SLMAP: variants seen among roughly 807,000 people sequenced by gnomAD.
The protein encoded by SLMAP is sarcolemmal membrane-associated protein.
SLMAP carries 44 observed loss-of-function variants against 128.8 expected under a neutral mutation model. The observed-to-expected ratio is 0.34, with a 90% CI of 0.27 to 0.44. SLMAP has a LOEUF of 0.44. SLMAP is among the 20% of genes least tolerant of loss of function. The pLI is 1.00. For missense variants in SLMAP, 787 were observed against 985.3 expected (o/e 0.80, Z 2.69); for synonymous variants, 327 against 348.8 (o/e 0.94, Z 0.70).
In SLMAP at chr3:57,912,487, G is replaced by T. The variant is rs2096722871; in HGVS notation, c.1806G>T (p.Leu602Phe). The T allele has an allele frequency of 6.2e-7, 1 of 1,614,122 alleles. No individual in the cohort carries two copies. Among genetic ancestry groups the T allele is most frequent in the Admixed American group, 1.7e-5 (1 of 60,014 alleles). The change falls in exon 20 of 25, where the codon TTG (leucine) becomes TTT (phenylalanine). Residue 602 changes from leucine to phenylalanine, a missense_variant. Leu to Phe is a conservative substitution (Grantham distance 22). Transcript: ENST00000671191. The stretch of plus-strand genomic sequence containing the variant: ...TGCTTAGTGCCCGAGATGAAATTTT[G>T]CTCCTTCATCAAGCAGCAGCAAAGG... ...DELLSARDEI[L>F]LLHQAAAKVA...
chr3:57,858,268 A>G (rs1298723320), intron 8 of SLMAP, 109 bp downstream of exon 8: 4 of 688,952 alleles, frequency 5.8e-6, no homozygotes, highest in South Asian at 1.8e-5. Flanking sequence ...CATTTCCACA[A>G]TTCTTTTAAA....
At chr3:57,859,733 G>A (rs1349738037) in intron 8 of SLMAP, among the ~76,000 whole-genome samples, 3 of 151,726 alleles carry the variant, frequency 2.0e-5, no homozygotes, top group African/African-American at 7.3e-5. Flanking sequence ...GGGGAGTGAG[G>A]GATGAAAAAC....
At chr3:57,915,755 C>G (rs2096796478) in intron 21 of SLMAP, among the ~76,000 whole-genome samples, 2 of 152,188 alleles carry the variant, frequency 1.3e-5, no homozygotes, top group African/African-American at 4.8e-5. Flanking sequence ...CTTTTATTTT[C>G]TGTTGTCTGG....
intron 5 of SLMAP, among the ~76,000 whole-genome samples, chr3:57,847,700 G>C (rs1305314411): frequency 6.6e-6 from 1 of 152,156 alleles, no homozygotes; most frequent in African/African-American, 2.4e-5. Context: ...ATAATTGCTT[G>C]CTAGAAAGCA....
chr3:57,826,102 G>T (rs1327011757), intron 2 of SLMAP, among the ~76,000 whole-genome samples: 2 of 151,932 alleles, frequency 1.3e-5, no homozygotes, highest in East Asian at 3.9e-4. Context: ...GGCATTATTT[G>T]TTATATTTAA....
intron 14 of SLMAP, among the ~76,000 whole-genome samples, chr3:57,877,971 A>G (rs923107328): frequency 6.6e-6 from 1 of 150,932 alleles, no homozygotes; most frequent in Non-Finnish European, 1.5e-5. Context: ...AGTAGCTAGG[A>G]TTACAGGCAC....
rs748820617 is a variant in SLMAP, at chr3:57,841,364, C to T, written c.412C>T (p.Arg138Cys). 26 of 1,601,514 alleles carry T rather than the reference C, an allele frequency of 1.6e-5. No homozygotes were observed. The highest frequency in any genetic ancestry group is 2.1e-5 in the Non-Finnish European group (25 of 1,170,298). ...ACCAGATGGTATGGAAGCCCGGCTC[C>T]GCTCAGAGTGAGTATAATTTAGTAC... ...FLPDGMEARL[R>C]SDVIHAPLPS... The change falls in exon 4 of 25, where the codon CGC (arginine) becomes TGC (cysteine). Residue 138 changes from arginine to cysteine, a missense_variant. Coordinates refer to ENST00000671191, the MANE Select transcript of SLMAP (RefSeq NM_001377540.1).
At chr3:57,899,391 A>G (rs1213031679) in intron 17 of SLMAP, 1 of 152,172 alleles carries the variant, frequency 6.6e-6, no homozygotes, top group Non-Finnish European at 1.5e-5. Context: ...ATTGATGAAG[A>G]TGGGTCAGAG....
chr3:57,905,643 A>G (rs2096515459), intron 17 of SLMAP, among the ~76,000 whole-genome samples: 2 of 152,200 alleles, frequency 1.3e-5, no homozygotes, highest in Admixed American at 1.3e-4. Flanking sequence ...ACAGTGAGAA[A>G]AGTGGCTTCA....
At position 57,880,893 on chromosome 3, in the gene SLMAP, T is replaced by TA. The variant is rs558286915; in HGVS notation, c.1301-9141dup. Among the ~76,000 whole-genome samples, 223 of 151,888 alleles carry TA rather than the reference T, an allele frequency of 1.5e-3. 1 individual carries two copies. The highest frequency in any genetic ancestry group is 3.3e-3 in the Admixed American group (51 of 15,256). ...GAGTGAGACCTTGTCTCAGAATTTT[T>TA]AAAAAAAGAGTTTTAGGGCTGGGCG... On this transcript the variant is annotated intron_variant, in intron 14 of 24. Coordinates refer to ENST00000671191, the MANE Select transcript of SLMAP (RefSeq NM_001377540.1).
At chr3:57,927,020 G>A (rs945534129) in intron 24 of SLMAP, among the ~76,000 whole-genome samples, 2 of 152,158 alleles carry the variant, frequency 1.3e-5, no homozygotes, top group African/African-American at 4.8e-5. Flanking sequence ...TTTCTTAGAA[G>A]TCACTATTAG....
intron 22 of SLMAP, 47 bp downstream of exon 22, chr3:57,917,124 C>A: frequency 1.2e-6 from 2 of 1,611,006 alleles, no homozygotes; most frequent in South Asian, 2.2e-5. Context: ...GGACTTAAAG[C>A]CAAAAGCAAA....
intron 15 of SLMAP, among the ~76,000 whole-genome samples, chr3:57,893,127 C>G (rs530104853): frequency 1.3e-5 from 2 of 152,070 alleles, no homozygotes; most frequent in East Asian, 3.9e-4. Flanking sequence ...CTTTCTTATT[C>G]AGAGTAGATA....
rs112767112 is a variant in SLMAP at position 57,862,050 on chromosome 3, A to G, written c.930A>G (p.Ala310=). 5.7e-6 allele frequency: 9 copies of G among 1,591,470 alleles called. No homozygotes were observed. In the African/African-American group the frequency reaches 8.0e-5, roughly 14 times the overall value. The change falls in exon 10 of 25, where the codon GCA becomes GCG. Residue 310 remains alanine, a synonymous_variant. Transcript: ENST00000671191. Reference sequence around the variant, plus strand: ...AATTAGCCAACAAATATAATGGAGCAGTTAATGAGATTAAAGATTTATCTG... The same window carrying G: ...AATTAGCCAACAAATATAATGGAGCGGTTAATGAGATTAAAGATTTATCTG... The part of the protein sequence containing the change: ...LRELANKYNG[A]VNEIKDLSDK...
At chr3:57,826,696 G>A (rs1284831914) in intron 2 of SLMAP, among the ~76,000 whole-genome samples, 1 of 152,170 alleles carries the variant, frequency 6.6e-6, no homozygotes, top group African/African-American at 2.4e-5. Context: ...ATATGGCTCA[G>A]ACTGTTCCAG....
At chr3:57,885,665 C>T (rs1050408016) in intron 14 of SLMAP, among the ~76,000 whole-genome samples, 1 of 151,738 alleles carries the variant, frequency 6.6e-6, no homozygotes, top group South Asian at 2.1e-4. Context: ...GTGATCCGCC[C>T]GCCTGGGCCT....
At chr3:57,787,800 C>A (rs2084559755) in intron 2 of SLMAP, among the ~76,000 whole-genome samples, 1 of 152,116 alleles carries the variant, frequency 6.6e-6, no homozygotes, top group Non-Finnish European at 1.5e-5. Context: ...TTGAGCATCT[C>A]CTATGTGGCA....
chr3:57,904,625 A>G (rs1247615452), intron 17 of SLMAP, among the ~76,000 whole-genome samples: 1 of 152,146 alleles, frequency 6.6e-6, no homozygotes, highest in Non-Finnish European at 1.5e-5. Flanking sequence ...TCTTTATGAC[A>G]TGGCCCAGCA....
chr3:57,762,053 CA>C (rs1312577556), intron 2 of SLMAP, among the ~76,000 whole-genome samples: 1,009 of 45,544 alleles, frequency 0.022, 4 homozygotes, highest in African/African-American at 0.053. Context: ...GACTCCGTCT[CA>C]AAAAAAAAAA....
Sources: gnomAD v4.1 joint callset for allele counts (sites outside exome capture counted in the v4.1 genomes callset) on GRCh38, gnomAD v4.1.1 for gene constraint, MANE v1.5 for transcripts, NCBI Gene and HGNC (gene_info 2026-07-23, HGNC 2026-07-21) for gene names.